The following AMBN variants were observed in gnomAD, a reference collection of about 807,000 sequenced individuals.
The protein encoded by AMBN is enamel matrix protein.
In AMBN, 54 loss-of-function variants were observed where a neutral mutation model predicts 48.0. The observed-to-expected ratio is 1.12, with a 90% CI of 0.90 to 1.41. AMBN has a LOEUF of 1.41. AMBN is among the 40% of genes most tolerant of loss of function. The pLI, the probability that AMBN is intolerant of heterozygous loss-of-function variation, is 0.00. For synonymous variants in AMBN, 186 were observed against 190.0 expected (o/e 0.98, Z 0.17); for missense variants, 571 against 547.3 (o/e 1.04, Z -0.43).
chr4:70,604,234 C>A (rs1245803789), intron 12 of AMBN, among the ~76,000 whole-genome samples: 1 of 152,170 alleles, frequency 6.6e-6, no homozygotes. Context: ...CAAAAGGATA[C>A]ACGTGGTTCA....
chr4:70,596,874 C>A, intron 2 of AMBN, 125 bp from the exon 3 acceptor site: 1 of 635,824 alleles, frequency 1.6e-6, no homozygotes, highest in Non-Finnish European at 2.7e-6. Context: ...AAGTCATTTG[C>A]ATAATAAACC....
rs758950730 is a variant in AMBN at position 70,599,687 on chromosome 4, A to G, written c.294+41A>G. 3 of 1,440,244 alleles carry G rather than the reference A, an allele frequency of 2.1e-6. No homozygotes were observed. In the South Asian group the frequency reaches 3.7e-5, roughly 18 times the overall value. The allele number at this position is 1,440,244 out of a possible 1,614,324, so 89.2% of individuals were successfully genotyped here. A position where few individuals can be genotyped will look rare whatever the true frequency, so the allele number is the denominator to read the frequency against. The stretch of plus-strand genomic sequence containing the variant: ...CAATATGTTTGAAACCTCAGGCTTT[A>G]AAACCTCTTCTTACTTGCCTTCTTT... On this transcript the variant is annotated intron_variant, in intron 5 of 12. Transcript: ENST00000322937.
intron 4 of AMBN, 60 bp from the exon 5 acceptor site, chr4:70,599,476 T>A: frequency 2.4e-6 from 3 of 1,269,816 alleles, no homozygotes; most frequent in South Asian, 2.8e-5. Flanking sequence ...AAACCAAATA[T>A]AACCAATGTT....
chr4:70,606,689 C>T lies in AMBN; in HGVS notation c.1303C>T (p.Pro435Ser). ...CATGCCAGGAAACAAAGCCCAGGAG[C>T]CCGAGATGATGCATGACGCATGGCA... ...TSMPGNKAQE[P>S]EMMHDAWHFQ... The change falls in exon 13 of 13, where the codon CCC (proline) becomes TCC (serine). Residue 435 changes from proline to serine, a missense_variant. Physicochemically the swap from Pro to Ser is moderately conservative, Grantham distance 74. Coordinates refer to ENST00000322937, the MANE Select transcript of AMBN (RefSeq NM_016519.6). The T allele has an allele frequency of 6.2e-7, 1 of 1,613,928 alleles. No individual in the cohort carries two copies. Among genetic ancestry groups the T allele is most frequent in the Non-Finnish European group, 8.5e-7 (1 of 1,179,892 alleles).
At chr4:70,602,389 C>A (rs933879581) in intron 6 of AMBN, among the ~76,000 whole-genome samples, 14 of 152,244 alleles carry the variant, frequency 9.2e-5, no homozygotes, top group African/African-American at 3.4e-4. Flanking sequence ...TGCCTCATCT[C>A]CCTGCAGGTA....
chr4:70,603,346 T>A (rs1577957078), intron 10 of AMBN, 27 bp downstream of exon 10: 1 of 1,613,012 alleles, frequency 6.2e-7, no homozygotes, highest in South Asian at 1.1e-5. Flanking sequence ...ACCACATCTC[T>A]GTTTGCAATT....
At chr4:70,592,979 A>G (rs1347928042) in intron 1 of AMBN, among the ~76,000 whole-genome samples, 1 of 152,210 alleles carries the variant, frequency 6.6e-6, no homozygotes, top group East Asian at 1.9e-4. Flanking sequence ...AATACCTTAT[A>G]GACCAATATT....
intron 6 of AMBN, chr4:70,601,894 G>C: frequency 1.6e-6 from 1 of 618,700 alleles, no homozygotes. Flanking sequence ...TATAAAACTG[G>C]GTTTCTTAGT....
intron 11 of AMBN, 122 bp downstream of exon 11, chr4:70,603,582 G>A: frequency 2.0e-6 from 2 of 1,016,732 alleles, no homozygotes; most frequent in Non-Finnish European, 2.9e-6. Context: ...ACCTACATTA[G>A]TACTGAAATA....
At chr4:70,595,785 A>G (rs1737371650) in intron 2 of AMBN, among the ~76,000 whole-genome samples, 1 of 152,172 alleles carries the variant, frequency 6.6e-6, no homozygotes, top group South Asian at 2.1e-4. Flanking sequence ...TCCATTCGCC[A>G]TGTTTTCTAC....
chr4:70,598,817 C>T (rs1264250541), intron 4 of AMBN, among the ~76,000 whole-genome samples: 2 of 151,750 alleles, frequency 1.3e-5, no homozygotes, highest in African/African-American at 4.8e-5. Context: ...CTCTGTTGCC[C>T]AGGCTGAAGT....
chr4:70,603,575 T>A, intron 11 of AMBN, 115 bp downstream of exon 11: 1 of 1,044,860 alleles, frequency 9.6e-7, no homozygotes, highest in Non-Finnish European at 1.4e-6. Flanking sequence ...TCTGAACACC[T>A]ACATTAGTAC....
chr4:70,603,023 C>G lies in AMBN; in HGVS notation c.648+13C>G, dbSNP rs1047877065. On this transcript the variant is annotated intron_variant, in intron 9 of 12. Transcript: ENST00000322937. The stretch of plus-strand genomic sequence containing the variant: ...ACAAGGTTCAACAGTAAGTACAGAT[C>G]TCAATGAGACACTGTCTTGCAAAAA... 2.5e-6 allele frequency: 4 copies of G among 1,597,270 alleles called. No homozygotes were observed. The highest frequency in any genetic ancestry group is 3.4e-6 in the Non-Finnish European group (4 of 1,174,186).
Position 70,603,900 on chromosome 4 carries a change from CAT to C in AMBN, c.778_779del (p.Met260GlufsTer30). The C allele has an allele frequency of 6.2e-7, 1 of 1,614,044 alleles. No individual in the cohort carries two copies. Among genetic ancestry groups the C allele is most frequent in the Non-Finnish European group, 8.5e-7 (1 of 1,179,958 alleles). Reference sequence around the variant, plus strand: ...AGAATGCCCCTGCCAGACTTGGCATCATGAGTTCAGAAGAAGTGGCAGTGAGT... The same window carrying C: ...AGAATGCCCCTGCCAGACTTGGCATCGAGTTCAGAAGAAGTGGCAGTGAGT... ...QLNAPARLGI[M>X]SSEEVAGGRE... On this transcript the variant is annotated frameshift_variant, in exon 12 of 13. Transcript: ENST00000322937. LOFTEE classifies it low-confidence loss of function (END_TRUNC).
rs781264832 is a variant in AMBN, at chr4:70,593,375, G to A, written c.64G>A (p.Glu22Lys). The change falls in exon 2 of 13, where the codon GAA becomes AAA. Residue 22 changes from glutamate to lysine, a missense_variant. Glu to Lys is a moderately conservative substitution (Grantham distance 56, BLOSUM62 1). Coordinates refer to ENST00000322937, the MANE Select transcript of AMBN (RefSeq NM_016519.6). Reference sequence around the variant, plus strand: ...CCTGATACTGATCCTATGCCTCCTGGAAATGAGTTTTGCAGTGCCGGTAAG... The same window carrying A: ...CCTGATACTGATCCTATGCCTCCTGAAAATGAGTTTTGCAGTGCCGGTAAG... ...KDLILILCLL[E>K]MSFAVPFFPQ... is the part of the protein sequence containing the mutation. 6.8e-6 allele frequency: 11 copies of A among 1,612,804 alleles called. No homozygotes were observed. The Admixed American group carries it at 1.8e-4, about 27-fold the overall frequency.
At chr4:70,601,126 A>G (rs1356922805) in intron 5 of AMBN, among the ~76,000 whole-genome samples, 1 of 152,184 alleles carries the variant, frequency 6.6e-6, no homozygotes, top group Non-Finnish European at 1.5e-5. Context: ...ACAGATACAT[A>G]CAGACAGCTA....
At chr4:70,603,196 C>G (rs74926542) in intron 9 of AMBN, 64 bp from the exon 10 acceptor site, 65,560 of 1,519,592 alleles carry the variant, frequency 0.043, 1,592 homozygotes, top group Non-Finnish European at 0.049. Context: ...TCATATACCT[C>G]AAAAATTACT....
At chr4:70,599,344 G>C (rs74863297) in intron 4 of AMBN, among the ~76,000 whole-genome samples, 192 bp from the exon 5 acceptor site, 14,696 of 151,868 alleles carry the variant, frequency 0.097, 822 homozygotes, top group East Asian at 0.17. Flanking sequence ...AGGAGGCTGA[G>C]GCATGAGAAT....
rs556403309 is a variant in AMBN, at chr4:70,593,428, G to T, written c.84+33G>T. 4.5e-6 allele frequency: 7 copies of T among 1,566,446 alleles called. No individual in the cohort carries two copies. The African/African-American group carries it at 5.4e-5, about 12-fold the overall frequency. On this transcript the variant is annotated intron_variant, in intron 2 of 12. Transcript: ENST00000322937. The stretch of plus-strand genomic sequence containing the variant: ...AGTCTTTAGAGTGTGTCCCAGAAAA[G>T]GTTATTGATTGTCGAACTCCAAACA...
Sources: allele counts gnomAD v4.1 joint callset (sites outside exome capture counted in the v4.1 genomes callset), GRCh38; gene constraint gnomAD v4.1.1; transcripts MANE v1.5; gene names NCBI Gene and HGNC (gene_info 2026-07-23, HGNC 2026-07-21).